USP3: variants seen among roughly 807,000 people sequenced by gnomAD.
The protein encoded by USP3 is ubiquitin carboxyl-terminal hydrolase 3.
Under a neutral mutation model 72.3 loss-of-function variants are expected in USP3, and 20 were observed. The ratio of observed to expected loss-of-function variants is 0.28; its 90% CI spans 0.19 to 0.40. The LOEUF (loss-of-function observed/expected upper bound fraction) is 0.40, where lower values mean the gene tolerates loss of function less well. Ranked by LOEUF, USP3 falls within the 10% of genes least tolerant of loss-of-function variation. The probability of loss-of-function intolerance (pLI) is 1.00; values close to 1 mark genes in which losing one functional copy is unlikely to be tolerated. For missense variants in USP3, 479 were observed against 633.9 expected (o/e 0.76, Z 2.62); for synonymous variants, 222 against 225.3 (o/e 0.99, Z 0.13).
intron 11 of USP3, among the ~76,000 whole-genome samples, chr15:63,581,913 A>T (rs568699394): frequency 7.0e-6 from 1 of 142,096 alleles, no homozygotes; most frequent in Non-Finnish European, 1.5e-5. Flanking sequence ...TTGAATTCCT[A>T]GGCTCAAATG....
chr15:63,513,159 T>G (rs1312003242), intron 1 of USP3, among the ~76,000 whole-genome samples: 1 of 152,214 alleles, frequency 6.6e-6, no homozygotes, highest in African/African-American at 2.4e-5. Flanking sequence ...TAAGACAGCC[T>G]TCTTTGTAGA....
chr15:63,560,794 A>G (rs1285031283), intron 7 of USP3, among the ~76,000 whole-genome samples: 1 of 152,154 alleles, frequency 6.6e-6, no homozygotes, highest in Non-Finnish European at 1.5e-5. Flanking sequence ...TCATTATGAC[A>G]ATTGTAGTGA....
At chr15:63,518,905 A>G (rs1416432883) in intron 1 of USP3, among the ~76,000 whole-genome samples, 3 of 152,092 alleles carry the variant, frequency 2.0e-5, no homozygotes, top group Admixed American at 2.0e-4. Context: ...AGCTGGGACT[A>G]CTGGCACTCA....
rs768760655 is a variant in USP3, at chr15:63,588,788, C to T, written c.1302C>T (p.Gly434=). The T allele has an allele frequency of 7.4e-6, 12 of 1,614,030 alleles. No homozygotes were observed. Among genetic ancestry groups the T allele is most frequent in the Non-Finnish European group, 1.0e-5 (12 of 1,179,916 alleles). ...VDTYVEFPLR[G]LDMKCYLLEP... ...CATACGTAGAATTTCCACTGAGAGG[C>T]CTAGACATGAAATGCTACTTACTAG... Residue 434 remains glycine, a synonymous_variant, in exon 13 of 15, where the codon GGC becomes GGT. Transcript: ENST00000380324. The surrounding 1 kb of genome is among the most constrained non-coding windows in gnomAD (Gnocchi z 4.6).
chr15:63,530,927 G>A (rs1022044909), intron 1 of USP3, among the ~76,000 whole-genome samples: 6 of 152,228 alleles, frequency 3.9e-5, no homozygotes, highest in African/African-American at 1.2e-4. Flanking sequence ...GTATTCTTCC[G>A]CACCTTTCTG....
intron 3 of USP3, among the ~76,000 whole-genome samples, chr15:63,548,850 C>G (rs954523160): frequency 1.3e-5 from 2 of 152,176 alleles, no homozygotes; most frequent in African/African-American, 4.8e-5. Flanking sequence ...CATGCCACCA[C>G]GCCCGACTAT....
chr15:63,519,592 A>G (rs1328090800), intron 1 of USP3, among the ~76,000 whole-genome samples: 3 of 152,200 alleles, frequency 2.0e-5, no homozygotes, highest in Non-Finnish European at 2.9e-5. Flanking sequence ...TTAATCAGCT[A>G]TAAAGTTACT....
chr15:63,529,242 A>G lies in USP3; in HGVS notation c.92-3405A>G, dbSNP rs201064122. ...CACAGTCCATAGTCACTTGTTTCCA[A>G]TGATTTTGGAAGTCAGTACTTTATT... On this transcript the variant is annotated intron_variant, in intron 1 of 14. Transcript: ENST00000380324. This position sits in a 1 kb window ranked among gnomAD's most constrained non-coding sequence, Gnocchi z 4.2. 2.2e-5 allele frequency: 9 copies of G among 413,006 alleles called. No individual in the cohort carries two copies. In the East Asian group the frequency reaches 5.6e-4, roughly 26 times the overall value. 25.6% of individuals were successfully genotyped at this position (413,006 alleles called of 1,614,324 possible). A position where few individuals can be genotyped will look rare whatever the true frequency, so the allele number is the denominator to read the frequency against.
At position 63,528,818 on chromosome 15, in the gene USP3, C is replaced by T. The variant is rs776558638; in HGVS notation, c.92-3829C>T. 1.3e-5 allele frequency among the ~76,000 whole-genome samples: 2 copies of T among 152,148 alleles called. No individual in the cohort carries two copies. Among genetic ancestry groups the T allele is most frequent in the Non-Finnish European group, 2.9e-5 (2 of 68,020 alleles). On this transcript the variant is annotated intron_variant, in intron 1 of 14. Coordinates refer to ENST00000380324, the MANE Select transcript of USP3 (RefSeq NM_006537.4). This position sits in a 1 kb window ranked among gnomAD's most constrained non-coding sequence, Gnocchi z 4.3. ...TAGTATTCTTTTATTTGTACAATTA[C>T]CTGTTCTCTTCTTAACAATAATTGA...
intron 3 of USP3, among the ~76,000 whole-genome samples, chr15:63,537,965 C>G (rs2066184282): frequency 6.6e-6 from 1 of 151,748 alleles, no homozygotes; most frequent in Admixed American, 6.6e-5. Context: ...GATTAACAGG[C>G]ATGAGCCACC....
At chr15:63,548,338 T>TGG (rs202244035) in intron 3 of USP3, among the ~76,000 whole-genome samples, 1 of 150,566 alleles carries the variant, frequency 6.6e-6, no homozygotes, top group African/African-American at 2.4e-5. Context: ...TTGTTTTTTT[T>TGG]GGGGGGGGAC....
chr15:63,510,236 T>C (rs942325813), intron 1 of USP3, among the ~76,000 whole-genome samples: 1 of 152,190 alleles, frequency 6.6e-6, no homozygotes, highest in Admixed American at 6.5e-5. Context: ...AGTGTGTAGC[T>C]CAGTGAGTCA....
intron 11 of USP3, among the ~76,000 whole-genome samples, chr15:63,578,223 G>A (rs933997735): frequency 5.9e-5 from 9 of 152,082 alleles, no homozygotes; most frequent in Non-Finnish European, 2.9e-5. Flanking sequence ...GCAGTGAGCC[G>A]AGATCGTGCC....
At chr15:63,547,599 T>C (rs1439464075) in intron 3 of USP3, among the ~76,000 whole-genome samples, 1 of 151,728 alleles carries the variant, frequency 6.6e-6, no homozygotes, top group South Asian at 2.1e-4. Flanking sequence ...GCATGGTCGC[T>C]CATGCGTGTA....
rs2066012072 is a variant in USP3, at chr15:63,528,133, G to A, written c.92-4514G>A. On this transcript the variant is annotated intron_variant, in intron 1 of 14. Coordinates refer to ENST00000380324, the MANE Select transcript of USP3 (RefSeq NM_006537.4). The surrounding 1 kb of genome is among the most constrained non-coding windows in gnomAD (Gnocchi z 4.3). The stretch of plus-strand genomic sequence containing the variant: ...CGTAGCTGAAGAGGAGGCAGTGAAA[G>A]GAGCCTAGTGAGTATCAGCCTCTGG... 1 of 152,296 alleles carries A rather than the reference G, an allele frequency of 6.6e-6. No homozygotes were observed. Among genetic ancestry groups the A allele is most frequent in the Admixed American group, 6.5e-5 (1 of 15,284 alleles). 9.4% of individuals were successfully genotyped at this position (152,296 alleles called of 1,614,324 possible).
intron 1 of USP3, chr15:63,530,575 A>G: frequency 2.4e-6 from 1 of 414,812 alleles, no homozygotes; most frequent in Non-Finnish European, 4.7e-6. Flanking sequence ...GGCCTCCCAA[A>G]GTGTTGGGAC....
At chr15:63,589,232 C>A in intron 14 of USP3, 1 of 568,554 alleles carries the variant, frequency 1.8e-6, no homozygotes, top group South Asian at 2.3e-5. Context: ...TCATTTGAAC[C>A]CAGTATTTAC....
chr15:63,510,721 C>G (rs2065769365), intron 1 of USP3, among the ~76,000 whole-genome samples: 1 of 152,116 alleles, frequency 6.6e-6, no homozygotes, highest in African/African-American at 2.4e-5. Flanking sequence ...CCTTGATTGA[C>G]AGTTTAGAAT....
At chr15:63,556,449 G>A in intron 4 of USP3, 1 of 397,582 alleles carries the variant, frequency 2.5e-6, no homozygotes, top group South Asian at 5.6e-5. Context: ...GCCAGGAGCA[G>A]TGTCCAGCCC....
Sources: allele counts gnomAD v4.1 joint callset (sites outside exome capture counted in the v4.1 genomes callset), GRCh38; gene constraint gnomAD v4.1.1; non-coding constraint Gnocchi (gnomAD v3.1); transcripts MANE v1.5; gene names NCBI Gene and HGNC (gene_info 2026-07-23, HGNC 2026-07-21).